ZC3H7A: variants seen among roughly 807,000 people sequenced by gnomAD.
ZC3H7A encodes the protein zinc finger CCCH domain-containing protein 7A.
In ZC3H7A, 44 loss-of-function variants were observed where a neutral mutation model predicts 125.5. The ratio of observed to expected loss-of-function variants is 0.35; its 90% CI spans 0.28 to 0.45. The LOEUF (loss-of-function observed/expected upper bound fraction) is 0.45. Among genes scored for constraint, ZC3H7A ranks in the 20% least tolerant of loss-of-function variants. The pLI is 1.00. For synonymous variants in ZC3H7A, 399 were observed against 391.2 expected (o/e 1.02, Z -0.23); for missense variants, 977 against 1,170.7 (o/e 0.83, Z 2.41).
chr16:11,753,425 G>A (rs1158411903), intron 21 of ZC3H7A, among the ~76,000 whole-genome samples: 3 of 152,132 alleles, frequency 2.0e-5, no homozygotes, highest in African/African-American at 7.2e-5. Flanking sequence ...TTCATTGTGG[G>A]GTATAAATGA....
chr16:11,750,799 C>A lies in ZC3H7A; in HGVS notation c.*518G>T, dbSNP rs7090. On this transcript the variant is annotated 3_prime_UTR_variant, in exon 23 of 23. Transcript: ENST00000355758. ...TGAAACATACAAATACAGAAAAATA[C>A]CCCATTTAACAAATACTAGTGTTAA... 0.12 allele frequency: 18,765 copies of A among 152,586 alleles called. 1,444 individuals carry two copies. The highest frequency in any genetic ancestry group is 0.34 in the South Asian group (1,621 of 4,812). The allele number at this position is 152,586 out of a possible 1,614,324, so 9.5% of individuals were successfully genotyped here.
intron 7 of ZC3H7A, among the ~76,000 whole-genome samples, chr16:11,775,913 T>C (rs980131972): frequency 2.0e-5 from 3 of 152,108 alleles, no homozygotes; most frequent in Admixed American, 2.0e-4. Flanking sequence ...ATCCCAGCAT[T>C]TGGTGGGAGG....
rs1184085214 is a variant in ZC3H7A at position 11,765,533 on chromosome 16, T to C, written c.1675A>G (p.Lys559Glu). ...TCCCCAAGATGCTCCTGGAGAAGTT[T>C]GAACACAGTAAGGTTAATCTTTCCA... Reference protein sequence around the residue: ...GNGKINLTVFKLLQEHLGEFI... With the variant: ...GNGKINLTVFELLQEHLGEFI... The change falls in exon 14 of 23, where the codon AAA becomes GAA. Residue 559 changes from lysine (K) to glutamate (E), a missense_variant. Physicochemically the swap from Lys to Glu is moderately conservative, Grantham distance 56. Transcript: ENST00000355758. The surrounding 1 kb of genome is among the most constrained non-coding windows in gnomAD (Gnocchi z 4.8). The C allele has an allele frequency of 6.2e-7, 1 of 1,614,030 alleles. No individual in the cohort carries two copies. The highest frequency in any genetic ancestry group is 8.5e-7 in the Non-Finnish European group (1 of 1,179,948).
chr16:11,780,132 T>C (rs544320010), intron 3 of ZC3H7A, among the ~76,000 whole-genome samples: 70 of 151,664 alleles, frequency 4.6e-4, no homozygotes, highest in Non-Finnish European at 8.2e-4. Flanking sequence ...CTTTTCTTTT[T>C]TTTTTTTGAG....
chr16:11,794,212 AC>A (rs1017641232), intron 1 of ZC3H7A, among the ~76,000 whole-genome samples: 5 of 152,076 alleles, frequency 3.3e-5, no homozygotes, highest in African/African-American at 9.7e-5. Context: ...CAACCAAGTA[AC>A]CCCAACACAC....
At position 11,770,954 on chromosome 16, in the gene ZC3H7A, C is replaced by G; in HGVS notation, c.937G>C (p.Ala313Pro). The G allele has an allele frequency of 6.2e-7, 1 of 1,613,364 alleles. No individual in the cohort carries two copies. Among genetic ancestry groups the G allele is most frequent in the South Asian group, 1.1e-5 (1 of 90,944 alleles). Residue 313 changes from alanine to proline, a missense_variant, in exon 10 of 23, where the codon GCC (alanine) becomes CCC (proline). This residue lies in a region of ZC3H7A where 342 missense variants were observed against 311.3 expected (regional missense o/e 1.10). Coordinates refer to ENST00000355758, the MANE Select transcript of ZC3H7A (RefSeq NM_014153.4). ...SALVRGPLQT[A>P]SVSPSMPFSA... ...AAGGGCATGCTAGGAGAGACACTGG[C>G]TGTCTGAAGGGGTCCTCTGACTAAA...
intron 1 of ZC3H7A, among the ~76,000 whole-genome samples, chr16:11,785,574 G>C (rs980309440): frequency 6.7e-6 from 1 of 149,378 alleles, no homozygotes; most frequent in African/African-American, 2.5e-5. Context: ...AGAAATTATA[G>C]GAAAAAAAAA....
chr16:11,771,349 T>C (rs567605354), intron 9 of ZC3H7A, among the ~76,000 whole-genome samples: 5 of 151,118 alleles, frequency 3.3e-5, no homozygotes, highest in Middle Eastern at 3.4e-3. Context: ...GATCACGCAA[T>C]TGCACTACAG....
intron 1 of ZC3H7A, among the ~76,000 whole-genome samples, chr16:11,792,681 T>C (rs2053372967): frequency 1.3e-5 from 2 of 152,178 alleles, no homozygotes; most frequent in Admixed American, 1.3e-4. Context: ...GAAACTGAAA[T>C]ACAGATAAGT....
chr16:11,777,129 C>G (rs956906598), intron 4 of ZC3H7A, among the ~76,000 whole-genome samples: 5 of 152,134 alleles, frequency 3.3e-5, no homozygotes, highest in African/African-American at 1.2e-4. Flanking sequence ...CCATCCAGGT[C>G]AGACAAATGC....
At position 11,773,882 on chromosome 16, in the gene ZC3H7A, C is replaced by CA. The variant is rs533510152; in HGVS notation, c.903+353dup. The stretch of plus-strand genomic sequence containing the variant: ...TGGGCAACAGAGCAAGACTCCGTCT[C>CA]AAAAAAAAATAAATAAATAAAAAGA... On this transcript the variant is annotated intron_variant, in intron 9 of 22. Coordinates refer to ENST00000355758, the MANE Select transcript of ZC3H7A (RefSeq NM_014153.4). Among the ~76,000 whole-genome samples, 208 of 149,336 alleles carry CA rather than the reference C, an allele frequency of 1.4e-3. 1 individual carries two copies. Among genetic ancestry groups the CA allele is most frequent in the African/African-American group, 4.8e-3 (194 of 40,608 alleles).
In ZC3H7A at chr16:11,752,720, T is replaced by C; in HGVS notation, c.2675A>G (p.Gln892Arg). Residue 892 changes from glutamine to arginine, a missense_variant, in exon 22 of 23, where the codon CAG becomes CGG. This residue lies in a region of ZC3H7A where 436 missense variants were observed against 603.2 expected (regional missense o/e 0.72). Transcript: ENST00000355758. ...KEKVFHTEDD[Q>R]YCWQHRFPTG... ...TGGGAAGCGGTGCTGCCAGCAGTAC[T>C]GGTCGTCCTCGGTGTGGAAAACCTT... is the stretch of plus-strand genomic sequence containing the variant. The C allele has an allele frequency of 2.5e-6, 4 of 1,614,172 alleles. No individual in the cohort carries two copies. The highest frequency in any genetic ancestry group is 3.4e-6 in the Non-Finnish European group (4 of 1,180,026).
chr16:11,777,873 G>A (rs1189278456), intron 4 of ZC3H7A, among the ~76,000 whole-genome samples: 1 of 151,872 alleles, frequency 6.6e-6, no homozygotes, highest in African/African-American at 2.4e-5. Context: ...TACAAAATTA[G>A]CCAGGTGTGG....
At chr16:11,763,307 C>G (rs952671370) in intron 16 of ZC3H7A, 171 bp downstream of exon 16, 2 of 503,392 alleles carry the variant, frequency 4.0e-6, no homozygotes, top group East Asian at 7.1e-5. Context: ...GGGGATTTTG[C>G]CGTACTGGCC....
In ZC3H7A at chr16:11,772,619, C is replaced by T. The variant is rs116862643; in HGVS notation, c.903+1617G>A. 8.1e-3 allele frequency among the ~76,000 whole-genome samples: 1,221 copies of T among 151,658 alleles called. 14 individuals carry two copies. The highest frequency in any genetic ancestry group is 0.028 in the South Asian group (136 of 4,818). On this transcript the variant is annotated intron_variant, in intron 9 of 22. Transcript: ENST00000355758. Reference sequence around the variant, plus strand: ...ATTACACCACCCCTGGAAAACAGCTCGGAATTTCTCCCTATCATCACCATC... The same window carrying T: ...ATTACACCACCCCTGGAAAACAGCTTGGAATTTCTCCCTATCATCACCATC...
chr16:11,751,048 T>G lies in ZC3H7A; in HGVS notation c.*269A>C. On this transcript the variant is annotated 3_prime_UTR_variant, in exon 23 of 23. Coordinates refer to ENST00000355758, the MANE Select transcript of ZC3H7A (RefSeq NM_014153.4). ...AGTTGTCCTAGATATAACCTTATCC[T>G]CTTCCCCAACACACTTCATCCAAAA... 3.0e-6 allele frequency: 1 copy of G among 328,806 alleles called. No individual in the cohort carries two copies. The allele number at this position is 328,806 out of a possible 1,614,324, so 20.4% of individuals were successfully genotyped here. A position where few individuals can be genotyped will look rare whatever the true frequency, so the allele number is the denominator to read the frequency against.
In ZC3H7A at chr16:11,797,253, G is replaced by T. The variant is rs1181882146; in HGVS notation, c.-164C>A. On this transcript the variant is annotated 5_prime_UTR_variant, in exon 1 of 23. Coordinates refer to ENST00000355758, the MANE Select transcript of ZC3H7A (RefSeq NM_014153.4). ...CAGCTCTCCCTCGGTTAGCGGCGGC[G>T]GCAGCGGCTCGGTTGCGCCCGCGGC... 1 of 151,034 alleles carries T rather than the reference G, an allele frequency of 6.6e-6. No individual in the cohort carries two copies. Among genetic ancestry groups the T allele is most frequent in the Non-Finnish European group, 1.5e-5 (1 of 67,200 alleles). The allele number at this position is 151,034 out of a possible 1,614,324, so 9.4% of individuals were successfully genotyped here. A position where few individuals can be genotyped will look rare whatever the true frequency, so the allele number is the denominator to read the frequency against.
chr16:11,752,681 C>T lies in ZC3H7A; in HGVS notation c.2714G>A (p.Ser905Asn). Residue 905 changes from serine to asparagine, a missense_variant, in exon 22 of 23, where the codon AGT (serine) becomes AAT (asparagine). Ser to Asn is a conservative substitution (Grantham distance 46). Coordinates refer to ENST00000355758, the MANE Select transcript of ZC3H7A (RefSeq NM_014153.4). The stretch of plus-strand genomic sequence containing the variant: ...GAAACCTACATACCTATCACAAATA[C>T]TGAAATAGCCTGTTGGGAAGCGGTG... ...WQHRFPTGYF[S>N]ICDRYMNGTC... is the part of the protein sequence containing the mutation. 6.2e-7 allele frequency: 1 copy of T among 1,611,172 alleles called. No individual in the cohort carries two copies. Among genetic ancestry groups the T allele is most frequent in the Non-Finnish European group, 8.5e-7 (1 of 1,179,214 alleles).
intron 21 of ZC3H7A, 134 bp from the exon 22 acceptor site, chr16:11,752,966 C>A (rs965966518): frequency 8.9e-7 from 1 of 1,129,130 alleles, no homozygotes; most frequent in Admixed American, 2.5e-5. Context: ...AAGGAAAGGA[C>A]CACAGCATGG....
Sources: gnomAD v4.1 joint callset for allele counts (sites outside exome capture counted in the v4.1 genomes callset) on GRCh38, gnomAD v4.1.1 for gene constraint, gnomAD v4.1.1 regional missense constraint, Gnocchi (gnomAD v3.1) non-coding constraint, MANE v1.5 for transcripts, NCBI Gene and HGNC (gene_info 2026-07-23, HGNC 2026-07-21) for gene names.